The following ZNF787 variants were observed in gnomAD, a reference collection of about 807,000 sequenced individuals.
ZNF787 encodes zinc finger protein 787, also known as TTF-I-interacting peptide 20.
A neutral mutation model predicts 16.9 loss-of-function variants in ZNF787; 7 were observed. The observed-to-expected ratio is 0.42, with a 90% CI of 0.24 to 0.78. ZNF787 has a LOEUF of 0.78. Ranked by LOEUF, ZNF787 falls within the 30% of genes least tolerant of loss-of-function variation. The pLI is 0.30. For missense variants in ZNF787, 551 were observed against 589.3 expected (o/e 0.94, Z 0.67); for synonymous variants, 345 against 270.9 (o/e 1.27, Z -2.69).
intron 2 of ZNF787, among the ~76,000 whole-genome samples, chr19:56,095,976 C>G (rs1479672078): frequency 2.0e-5 from 3 of 152,150 alleles, no homozygotes; most frequent in Non-Finnish European, 2.9e-5. Context: ...AACTTAGGAC[C>G]TAGTAACTTT....
chr19:56,107,471 G>A (rs967889864), intron 1 of ZNF787, among the ~76,000 whole-genome samples: 5 of 151,928 alleles, frequency 3.3e-5, no homozygotes, highest in African/African-American at 9.7e-5. Flanking sequence ...GAGGGTCACC[G>A]GGAGACACGG....
intron 1 of ZNF787, among the ~76,000 whole-genome samples, chr19:56,109,064 G>A (rs2029905064): frequency 6.6e-6 from 1 of 152,128 alleles, no homozygotes; most frequent in Middle Eastern, 3.2e-3. Context: ...AGCCGGCCAA[G>A]GAATGACGGC....
intron 1 of ZNF787, among the ~76,000 whole-genome samples, chr19:56,106,311 A>G (rs1390753031): frequency 6.6e-6 from 1 of 152,212 alleles, no homozygotes; most frequent in Non-Finnish European, 1.5e-5. Flanking sequence ...TACGGCGGCC[A>G]CAGTGGTCCA....
chr19:56,107,002 A>G (rs564985128), intron 1 of ZNF787, among the ~76,000 whole-genome samples: 8 of 152,202 alleles, frequency 5.3e-5, no homozygotes, highest in Non-Finnish European at 8.8e-5. Flanking sequence ...GAAGGGCCTG[A>G]GAGTCTGAGG....
At chr19:56,115,226 A>G (rs1485293110) in intron 1 of ZNF787, among the ~76,000 whole-genome samples, 2 of 151,896 alleles carry the variant, frequency 1.3e-5, no homozygotes, top group African/African-American at 4.8e-5. Context: ...GTTTTGGCAG[A>G]TCACATTCTC....
chr19:56,098,439 C>T (rs978936119), intron 2 of ZNF787, among the ~76,000 whole-genome samples: 1 of 151,822 alleles, frequency 6.6e-6, no homozygotes, highest in African/African-American at 2.4e-5. Context: ...GTAATACGGC[C>T]GCAGGGTGAT....
At chr19:56,110,362 A>AC (rs200329567) in intron 1 of ZNF787, among the ~76,000 whole-genome samples, 4 of 105,816 alleles carry the variant, frequency 3.8e-5, no homozygotes, top group Non-Finnish European at 6.2e-5. Flanking sequence ...ACTCCGTCTC[A>AC]AAAAAAAAAA....
At chr19:56,119,711 G>A (rs1228940747) in intron 1 of ZNF787, among the ~76,000 whole-genome samples, 2 of 152,240 alleles carry the variant, frequency 1.3e-5, no homozygotes, top group Non-Finnish European at 2.9e-5. Context: ...GGGCCAGGCC[G>A]GGTGCCCGGA....
chr19:56,104,417 C>T (rs1316341344), intron 1 of ZNF787, among the ~76,000 whole-genome samples: 1 of 50,368 alleles, frequency 2.0e-5, no homozygotes, highest in Non-Finnish European at 3.8e-5. Flanking sequence ...GCCGCCGACC[C>T]GTGCCACGCA....
chr19:56,089,657 G>A (rs1362723267), intron 2 of ZNF787, among the ~76,000 whole-genome samples: 4 of 152,172 alleles, frequency 2.6e-5, no homozygotes, highest in Non-Finnish European at 5.9e-5. Context: ...GATTGGAGAT[G>A]AGCATGAAAG....
chr19:56,099,666 G>T (rs1301626625), intron 2 of ZNF787, among the ~76,000 whole-genome samples: 1 of 136,218 alleles, frequency 7.3e-6, no homozygotes, highest in African/African-American at 2.7e-5. Flanking sequence ...AGCCGAGATC[G>T]TACCACTGCA....
intron 2 of ZNF787, among the ~76,000 whole-genome samples, chr19:56,098,968 G>A (rs1390818453): frequency 6.6e-6 from 1 of 152,200 alleles, no homozygotes; most frequent in Non-Finnish European, 1.5e-5. Context: ...CCACCACCTG[G>A]GGCTGAGGCA....
At chr19:56,104,597 G>T (rs974553534) in intron 1 of ZNF787, among the ~76,000 whole-genome samples, 1 of 151,806 alleles carries the variant, frequency 6.6e-6, no homozygotes, top group Non-Finnish European at 1.5e-5. Context: ...TACCATGAGG[G>T]TCTCTACACA....
chr19:56,108,260 C>G (rs1207676321), intron 1 of ZNF787, among the ~76,000 whole-genome samples: 1 of 148,434 alleles, frequency 6.7e-6, no homozygotes, highest in Admixed American at 6.7e-5. Context: ...CCCTGCCCAG[C>G]ACTCCCTGGC....
At chr19:56,108,728 C>T (rs2029896128) in intron 1 of ZNF787, among the ~76,000 whole-genome samples, 2 of 152,162 alleles carry the variant, frequency 1.3e-5, no homozygotes. Context: ...CAAATCCCAA[C>T]ACTCAGCCCC....
intron 2 of ZNF787, among the ~76,000 whole-genome samples, chr19:56,096,390 G>A (rs1161509323): frequency 6.6e-6 from 1 of 152,044 alleles, no homozygotes; most frequent in Non-Finnish European, 1.5e-5. Context: ...CTGCACTCCA[G>A]CCTGGGCAAC....
In ZNF787 at chr19:56,089,077, A is replaced by G. The variant is rs1985471427; in HGVS notation, c.95T>C (p.Met32Thr). 1 of 1,465,410 alleles carries G rather than the reference A, an allele frequency of 6.8e-7. No homozygotes were observed. The highest frequency in any genetic ancestry group is 9.0e-7 in the Non-Finnish European group (1 of 1,111,198). 90.8% of individuals were successfully genotyped at this position (1,465,410 alleles called of 1,614,324 possible). ...CCAGCTGGGGACGTCGTCATCATCCATGATGAGGATGTCCACTGGAAAGCA... is the reference window on the plus strand; with the variant it reads ...CCAGCTGGGGACGTCGTCATCATCCGTGATGAGGATGTCCACTGGAAAGCA... ...SHENPVDILI[M>T]DDDDVPSWPP... The change falls in exon 3 of 3, where the codon ATG (methionine) becomes ACG (threonine). Residue 32 changes from methionine to threonine, a missense_variant. Around this residue, in one of 4 missense-constraint regions of ZNF787, gnomAD observed 80 missense variants for 105.9 expected, o/e 0.76. Transcript: ENST00000610935.
intron 1 of ZNF787, among the ~76,000 whole-genome samples, chr19:56,118,575 G>A (rs1286264613): frequency 1.3e-5 from 2 of 152,160 alleles, no homozygotes; most frequent in South Asian, 2.1e-4. Flanking sequence ...CTAAAATGGA[G>A]GTGACCACCT....
chr19:56,101,419 C>A (rs1319818321), intron 2 of ZNF787, among the ~76,000 whole-genome samples: 1 of 152,240 alleles, frequency 6.6e-6, no homozygotes, highest in African/African-American at 2.4e-5. Flanking sequence ...AGACGCAGGG[C>A]CAGGGCTGGG....
Sources: gnomAD v4.1 joint callset for allele counts (sites outside exome capture counted in the v4.1 genomes callset) on GRCh38, gnomAD v4.1.1 for gene constraint, gnomAD v4.1.1 regional missense constraint, MANE v1.5 for transcripts, NCBI Gene and HGNC (gene_info 2026-07-23, HGNC 2026-07-21) for gene names.